Variants in TSNARE1 observed in about 807,000 individuals in gnomAD.
TSNARE1 encodes t-SNARE domain containing 1.
A neutral mutation model predicts 62.0 loss-of-function variants in TSNARE1; 49 were observed. The observed-to-expected ratio is 0.79, with a 90% CI of 0.63 to 1.00. The LOEUF (loss-of-function observed/expected upper bound fraction) is 1.00. TSNARE1 is among the 50% of genes least tolerant of loss of function. The pLI is 0.00. For missense variants in TSNARE1, 755 were observed against 700.1 expected (o/e 1.08, Z -0.88); for synonymous variants, 328 against 294.4 (o/e 1.11, Z -1.17).
At chr8:142,310,359 C>T (rs1827365767) in intron 9 of TSNARE1, among the ~76,000 whole-genome samples, 1 of 152,188 alleles carries the variant, frequency 6.6e-6, no homozygotes, top group Non-Finnish European at 1.5e-5. Context: ...CAATAGCACA[C>T]ACCTGACCAT....
chr8:142,219,990 C>A (rs117218568), intron 13 of TSNARE1, among the ~76,000 whole-genome samples: 3,838 of 152,300 alleles, frequency 0.025, 194 homozygotes, highest in East Asian at 0.18. Context: ...TCCACTGGGG[C>A]CAGCCACTCT....
rs1586596099 is a variant in TSNARE1 at position 142,291,803 on chromosome 8, C to T, written c.1291-7318G>A. On this transcript the variant is annotated intron_variant, in intron 10 of 13. Coordinates refer to ENST00000524325, the MANE Select transcript of TSNARE1 (RefSeq NM_145003.5). This position sits in a 1 kb window ranked among gnomAD's most constrained non-coding sequence, Gnocchi z 4.8. ...GGGAGCCAGCGGCTCAGGCGTCAGG[C>T]ATAGGGTGCTCTGGGCCTCGGGCAA... Among the ~76,000 whole-genome samples the T allele has an allele frequency of 1.3e-5, 2 of 152,188 alleles. No homozygotes were observed. Among genetic ancestry groups the T allele is most frequent in the East Asian group, 3.9e-4 (2 of 5,146 alleles).
Position 142,237,875 on chromosome 8 carries a change from T to C in TSNARE1, c.1447-8296A>G, listed in dbSNP as rs188978280. Among the ~76,000 whole-genome samples, 326 of 152,300 alleles carry C rather than the reference T, an allele frequency of 2.1e-3. 2 individuals are homozygous for C. The highest frequency in any genetic ancestry group is 7.6e-3 in the African/African-American group (315 of 41,568). On this transcript the variant is annotated intron_variant, in intron 12 of 13. Coordinates refer to ENST00000524325, the MANE Select transcript of TSNARE1 (RefSeq NM_145003.5). ...GCCCCGCAGGGTGGCTTACAGCTTT[T>C]TAATGCGTCTGACTTAGAGAAGCGT...
At chr8:142,227,902 G>T (rs564673292) in intron 13 of TSNARE1, among the ~76,000 whole-genome samples, 7 of 152,338 alleles carry the variant, frequency 4.6e-5, no homozygotes, top group Admixed American at 3.3e-4. Context: ...ACCAACCATG[G>T]GAGTCTCCAG....
chr8:142,282,687 G>A (rs1821798217), intron 11 of TSNARE1, among the ~76,000 whole-genome samples: 1 of 150,240 alleles, frequency 6.7e-6, no homozygotes, highest in African/African-American at 2.5e-5. Flanking sequence ...GTCTGTCAAT[G>A]AGCAGAGGCG....
chr8:142,250,752 C>G (rs1417475080), intron 12 of TSNARE1, among the ~76,000 whole-genome samples: 1 of 152,246 alleles, frequency 6.6e-6, no homozygotes, highest in Non-Finnish European at 1.5e-5. Flanking sequence ...GACCCCAAGG[C>G]TGGCCAGCCC....
intron 10 of TSNARE1, among the ~76,000 whole-genome samples, chr8:142,285,094 T>C (rs1350414901): frequency 6.6e-6 from 1 of 151,992 alleles, no homozygotes; most frequent in African/African-American, 2.4e-5. Flanking sequence ...GAAAGGATGA[T>C]GGACAGATGC....
In TSNARE1 at chr8:142,382,493, G is replaced by A. The variant is rs150229911; in HGVS notation, c.-40+20611C>T. The stretch of plus-strand genomic sequence containing the variant: ...CAGCAACAAACAGCAAGATGCCAGC[G>A]CCTGAGTCATGCGGGCAGGGGGCAG... On this transcript the variant is annotated intron_variant, in intron 1 of 13. Transcript: ENST00000524325. Among the ~76,000 whole-genome samples the A allele has an allele frequency of 1.9e-4, 29 of 152,276 alleles. No individual in the cohort carries two copies. The South Asian group carries it at 3.3e-3, about 17-fold the overall frequency.
chr8:142,384,130 T>C (rs1374852926), intron 1 of TSNARE1, among the ~76,000 whole-genome samples: 1 of 152,104 alleles, frequency 6.6e-6, no homozygotes, highest in Non-Finnish European at 1.5e-5. Context: ...GTCAGGAGCC[T>C]CCTGAACAGT....
chr8:142,402,124 A>T (rs1838335103), intron 1 of TSNARE1, among the ~76,000 whole-genome samples: 1 of 152,150 alleles, frequency 6.6e-6, no homozygotes, highest in Non-Finnish European at 1.5e-5. Context: ...CGAGCCAGGA[A>T]CTAAAAGAAG....
At chr8:142,351,783 C>G (rs1834122099) in intron 2 of TSNARE1, among the ~76,000 whole-genome samples, 1 of 152,186 alleles carries the variant, frequency 6.6e-6, no homozygotes, top group African/African-American at 2.4e-5. Context: ...CACATGAAAA[C>G]TTTATCACAG....
rs561974265 is a variant in TSNARE1, at chr8:142,400,589, A to G, written c.-40+2515T>C. ...CCCCGTCTCTACTAAAAATACAAAA[A>G]ATTAGCCAGGTGTGGTGGCAGGCAC... On this transcript the variant is annotated intron_variant, in intron 1 of 13. Transcript: ENST00000524325. Among the ~76,000 whole-genome samples, 38 of 140,946 alleles carry G rather than the reference A, an allele frequency of 2.7e-4. No individual in the cohort carries two copies. In the East Asian group the frequency reaches 7.9e-3, roughly 29 times the overall value. The allele number at this position is 140,946 out of a possible 152,430, so 92.5% of individuals were successfully genotyped here.
chr8:142,341,940 A>C (rs117642022), intron 4 of TSNARE1, among the ~76,000 whole-genome samples: 1 of 152,208 alleles, frequency 6.6e-6, no homozygotes, highest in Non-Finnish European at 1.5e-5. Context: ...AGCAGCCCAC[A>C]GCCCATGACA....
At chr8:142,389,342 AT>A in intron 1 of TSNARE1, among the ~76,000 whole-genome samples, 1 of 152,342 alleles carries the variant, frequency 6.6e-6, no homozygotes, top group Admixed American at 6.5e-5. Context: ...CTGGGCAATG[AT>A]TTTTTTAATA....
At chr8:142,271,400 C>A in intron 12 of TSNARE1, 1 of 1,239,128 alleles carries the variant, frequency 8.1e-7, no homozygotes, top group Non-Finnish European at 1.0e-6. Flanking sequence ...GCCCTGCTGC[C>A]GGTGGGAGTC....
chr8:142,396,858 T>C (rs989699219), intron 1 of TSNARE1, among the ~76,000 whole-genome samples: 7 of 152,284 alleles, frequency 4.6e-5, no homozygotes, highest in Admixed American at 3.9e-4. Flanking sequence ...GTTGTTATAA[T>C]CAGAATCCAA....
At chr8:142,322,292 T>C (rs928148752) in intron 6 of TSNARE1, among the ~76,000 whole-genome samples, 2 of 152,106 alleles carry the variant, frequency 1.3e-5, no homozygotes, top group African/African-American at 4.8e-5. Flanking sequence ...GAGAGGCTGT[T>C]AAATAAAAAA....
At chr8:142,237,555 C>T (rs1055693041) in intron 12 of TSNARE1, among the ~76,000 whole-genome samples, 2 of 152,246 alleles carry the variant, frequency 1.3e-5, no homozygotes, top group African/African-American at 4.8e-5. Flanking sequence ...CCTCCGTTTC[C>T]TTATCAATCG....
At chr8:142,307,500 C>T (rs1008016840) in intron 9 of TSNARE1, among the ~76,000 whole-genome samples, 3 of 152,200 alleles carry the variant, frequency 2.0e-5, no homozygotes, top group Admixed American at 1.3e-4. Flanking sequence ...ATACAACCTA[C>T]GCACATCCTC....
Sources: gnomAD v4.1 joint callset for allele counts (sites outside exome capture counted in the v4.1 genomes callset) on GRCh38, gnomAD v4.1.1 for gene constraint, Gnocchi (gnomAD v3.1) non-coding constraint, MANE v1.5 for transcripts, NCBI Gene and HGNC (gene_info 2026-07-23, HGNC 2026-07-21) for gene names.